Variants in NELL2 observed in about 807,000 individuals in gnomAD.
NELL2 encodes the protein protein kinase C-binding protein NELL2.
Under a neutral mutation model 109.6 loss-of-function variants are expected in NELL2, and 41 were observed. The observed-to-expected ratio is 0.37, with a 90% confidence interval of 0.29 to 0.49. The LOEUF is 0.49. NELL2 is among the 20% of genes least tolerant of loss of function. The pLI is 0.98. For synonymous variants in NELL2, 355 were observed against 344.7 expected (o/e 1.03, Z -0.33); for missense variants, 900 against 1,008.3 (o/e 0.89, Z 1.45).
intron 12 of NELL2, among the ~76,000 whole-genome samples, chr12:44,700,343 C>T (rs908758279): frequency 5.3e-5 from 8 of 152,146 alleles, no homozygotes; most frequent in Admixed American, 3.9e-4. Context: ...GTTTAAAACA[C>T]AAGTGTGATC....
chr12:44,873,660 T>C (rs1482493299), intron 2 of NELL2, among the ~76,000 whole-genome samples: 1 of 152,056 alleles, frequency 6.6e-6, no homozygotes, highest in Non-Finnish European at 1.5e-5. Context: ...GTTACTCGAA[T>C]TGGCAGTCCT....
At chr12:44,748,755 T>C (rs534395555) in intron 9 of NELL2, among the ~76,000 whole-genome samples, 2 of 152,274 alleles carry the variant, frequency 1.3e-5, no homozygotes, top group East Asian at 3.9e-4. Context: ...TGAAAAGATG[T>C]ATCCATTTAC....
intron 15 of NELL2, among the ~76,000 whole-genome samples, chr12:44,544,251 A>T (rs1174734760): frequency 2.0e-5 from 3 of 152,172 alleles, no homozygotes; most frequent in African/African-American, 7.2e-5. Context: ...TATAACAGAG[A>T]TAAATCTTCA....
chr12:44,550,227 C>T (rs960347658), intron 15 of NELL2, among the ~76,000 whole-genome samples: 39 of 152,014 alleles, frequency 2.6e-4, no homozygotes, highest in African/African-American at 9.2e-4. Flanking sequence ...TTAAAGCATA[C>T]AGAACTCAAA....
At chr12:44,652,908 T>C (rs1947351595) in intron 13 of NELL2, among the ~76,000 whole-genome samples, 1 of 152,174 alleles carries the variant, frequency 6.6e-6, no homozygotes, top group South Asian at 2.1e-4. Flanking sequence ...TATTTTCAAA[T>C]CCAGTAAGGT....
At chr12:44,564,190 G>A (rs1819788935) in intron 15 of NELL2, among the ~76,000 whole-genome samples, 1 of 152,104 alleles carries the variant, frequency 6.6e-6, no homozygotes, top group Non-Finnish European at 1.5e-5. Context: ...TGAGTTAAAC[G>A]ACAAATTCAG....
intron 12 of NELL2, among the ~76,000 whole-genome samples, chr12:44,701,762 C>T (rs992790897): frequency 1.3e-5 from 2 of 152,082 alleles, no homozygotes; most frequent in African/African-American, 4.8e-5. Flanking sequence ...CAATAGCCTT[C>T]CAACTCATCT....
intron 12 of NELL2, among the ~76,000 whole-genome samples, chr12:44,682,475 A>G (rs1328429790): frequency 2.0e-5 from 3 of 152,082 alleles, no homozygotes; most frequent in Admixed American, 6.5e-5. Context: ...TTGGTGTTTT[A>G]GACATGAAGT....
At chr12:44,885,085 C>T (rs1945455892) in intron 1 of NELL2, among the ~76,000 whole-genome samples, 1 of 151,816 alleles carries the variant, frequency 6.6e-6, no homozygotes, top group Non-Finnish European at 1.5e-5. Flanking sequence ...TCAAGACTAG[C>T]CTGACCAACA....
chr12:44,825,323 C>A (rs1045920466), intron 2 of NELL2, among the ~76,000 whole-genome samples: 1 of 151,666 alleles, frequency 6.6e-6, no homozygotes, highest in Admixed American at 6.6e-5. Flanking sequence ...AGGTCTTTCA[C>A]CTCCTTGATT....
At chr12:44,774,258 G>A (rs1592505836) in intron 9 of NELL2, among the ~76,000 whole-genome samples, 1 of 152,200 alleles carries the variant, frequency 6.6e-6, no homozygotes, top group African/African-American at 2.4e-5. Context: ...CACACATGGT[G>A]GTGTGAGCCT....
At chr12:44,701,655 G>A (rs1461745738) in intron 12 of NELL2, among the ~76,000 whole-genome samples, 1 of 151,944 alleles carries the variant, frequency 6.6e-6, no homozygotes, top group Non-Finnish European at 1.5e-5. Flanking sequence ...AGTATTTTTG[G>A]CTCTACTTTC....
At chr12:44,852,844 A>C (rs1944572376) in intron 2 of NELL2, among the ~76,000 whole-genome samples, 2 of 152,168 alleles carry the variant, frequency 1.3e-5, no homozygotes, top group African/African-American at 4.8e-5. Flanking sequence ...CTGGAAATGC[A>C]ACCCAATTAT....
intron 9 of NELL2, among the ~76,000 whole-genome samples, chr12:44,739,914 C>T (rs1939858664): frequency 6.6e-6 from 1 of 152,060 alleles, no homozygotes; most frequent in Non-Finnish European, 1.5e-5. Flanking sequence ...ACAAAAAAAA[C>T]ATGGTTTTAT....
chr12:44,510,979 T>C (rs988434333), intron 19 of NELL2, among the ~76,000 whole-genome samples: 1 of 152,170 alleles, frequency 6.6e-6, no homozygotes, highest in Non-Finnish European at 1.5e-5. Context: ...CTCCTCAAAT[T>C]ATATGGCTTT....
chr12:44,555,102 G>A (rs1178870761), intron 15 of NELL2, among the ~76,000 whole-genome samples: 2 of 152,198 alleles, frequency 1.3e-5, no homozygotes, highest in Non-Finnish European at 2.9e-5. Flanking sequence ...AAAGATAACT[G>A]AGTGGAAGGT....
At chr12:44,677,634 A>C (rs1236882216) in intron 12 of NELL2, among the ~76,000 whole-genome samples, 1 of 152,254 alleles carries the variant, frequency 6.6e-6, no homozygotes, top group South Asian at 2.1e-4. Context: ...GGAAGCTAGG[A>C]GGAAGCTCAC....
In NELL2 at chr12:44,548,844, T is replaced by A. The variant is rs1016528471; in HGVS notation, c.1664-16123A>T. Among the ~76,000 whole-genome samples, 2 of 152,330 alleles carry A rather than the reference T, an allele frequency of 1.3e-5. 1 individual carries two copies. The highest frequency in any genetic ancestry group is 4.1e-4 in the South Asian group (2 of 4,826). ...TAGTTGTAATTCACAATGATAAATTTAAGCACTCTATGCTTCTAATTTCCT... is the reference window on the plus strand; with the variant it reads ...TAGTTGTAATTCACAATGATAAATTAAAGCACTCTATGCTTCTAATTTCCT... On this transcript the variant is annotated intron_variant, in intron 15 of 19. Coordinates refer to ENST00000429094, the MANE Select transcript of NELL2 (RefSeq NM_001145108.2).
intron 15 of NELL2, among the ~76,000 whole-genome samples, chr12:44,566,204 G>A (rs1402863636): frequency 1.3e-5 from 2 of 152,170 alleles, no homozygotes; most frequent in African/African-American, 4.8e-5. Flanking sequence ...TGTAGTGAGT[G>A]AGTGATCAGG....
Sources: allele counts gnomAD v4.1 joint callset (sites outside exome capture counted in the v4.1 genomes callset), GRCh38; gene constraint gnomAD v4.1.1; transcripts MANE v1.5; gene names NCBI Gene and HGNC (gene_info 2026-07-23, HGNC 2026-07-21).